GABRQ: variants seen among roughly 807,000 people sequenced by gnomAD.
The protein encoded by GABRQ is gamma-aminobutyric acid receptor subunit theta.
Under a neutral mutation model 30.5 loss-of-function variants are expected in GABRQ, and 19 were observed. The ratio of observed to expected loss-of-function variants is 0.62; its 90% CI spans 0.43 to 0.91. The LOEUF (loss-of-function observed/expected upper bound fraction) is 0.91, where lower values mean the gene tolerates loss of function less well. Ranked by LOEUF, GABRQ falls within the 40% of genes least tolerant of loss-of-function variation. GABRQ has a pLI of 0.00. For synonymous variants in GABRQ, 187 were observed against 210.2 expected, an observed-to-expected ratio of 0.89 and a Z score of 0.95; for missense variants, 520 against 521.4, an observed-to-expected ratio of 1.00 and a Z score of 0.03.
At position 152,647,123 on chromosome X, in the gene GABRQ, G is replaced by A. The variant is rs782155034; in HGVS notation, c.482G>A (p.Arg161His). Reference sequence around the variant, plus strand: ...GTGCATGATGTGACTGTGGAGAATCGCGTGTTTCAGCTTCACCCAGATGGA... The same window carrying A: ...GTGCATGATGTGACTGTGGAGAATCACGTGTTTCAGCTTCACCCAGATGGA... ...AFVHDVTVEN[R>H]VFQLHPDGTV... Residue 161 changes from arginine to histidine, a missense_variant, in exon 4 of 9, where the codon CGC (arginine) becomes CAC (histidine). Physicochemically the swap from Arg to His is conservative, Grantham distance 29. Transcript: ENST00000598523. 5.8e-6 allele frequency: 7 copies of A among 1,208,747 alleles called. No individual in the cohort carries two copies. Among genetic ancestry groups the A allele is most frequent in the Middle Eastern group, 2.3e-4 (1 of 4,352 alleles).
Position 152,652,781 on chromosome X carries a change from C to T in GABRQ, c.1399C>T (p.Arg467Cys), listed in dbSNP as rs138966264. Residue 467 changes from arginine to cysteine, a missense_variant, in exon 9 of 9, where the codon CGC becomes TGC. Coordinates refer to ENST00000598523, the MANE Select transcript of GABRQ (RefSeq NM_018558.4). ...SEQARHSYGV[R>C]FNGFQADDSI... The stretch of plus-strand genomic sequence containing the variant: ...GCAGGCCCGGCACAGCTATGGTGTT[C>T]GCTTTAATGGTTTCCAGGCTGATGA... The T allele has an allele frequency of 1.2e-5, 15 of 1,210,054 alleles. No homozygotes were observed. The East Asian group carries it at 1.5e-4, about 12-fold the overall frequency.
chrX:152,638,379 G>C (rs782256219), intron 1 of GABRQ, 28 bp downstream of exon 1: 3 of 1,195,233 alleles, frequency 2.5e-6, no homozygotes, highest in Non-Finnish European at 3.4e-6. Context: ...GGCTAGGCAC[G>C]GCGGGGACGG....
At chrX:152,649,443 C>T (rs188938631) in intron 5 of GABRQ, 110 bp downstream of exon 5, 3 of 521,133 alleles carry the variant, frequency 5.8e-6, no homozygotes, top group Admixed American at 5.3e-5. Context: ...TGCTCCCTCC[C>T]TCCCCCCATT....
intron 6 of GABRQ, among the ~76,000 whole-genome samples, 173 bp from the exon 7 acceptor site, chrX:152,650,255 A>ATC (rs1423161892): frequency 1.8e-5 from 2 of 112,064 alleles, no homozygotes; most frequent in Non-Finnish European, 3.8e-5. Context: ...GCCTACTGAG[A>ATC]TATGCCACTG....
downstream of GABRQ, among the ~76,000 whole-genome samples, chrX:152,658,195 G>C (rs1556821370): frequency 9.0e-6 from 1 of 111,536 alleles, no homozygotes; most frequent in Non-Finnish European, 1.9e-5. Flanking sequence ...ACAAGACTTT[G>C]TTCATTTGGG....
intron 1 of GABRQ, among the ~76,000 whole-genome samples, chrX:152,640,089 C>T (rs895948652): frequency 4.5e-5 from 5 of 111,129 alleles, no homozygotes; most frequent in Non-Finnish European, 9.4e-5. Flanking sequence ...CTACCGCCTC[C>T]TCTCGTCAAC....
chrX:152,641,487 G>A (rs782027788), intron 2 of GABRQ, among the ~76,000 whole-genome samples: 38 of 112,553 alleles, frequency 3.4e-4, no homozygotes, highest in African/African-American at 1.2e-3. Context: ...GGCCCTTGCG[G>A]TAGACCAGTT....
In GABRQ at chrX:152,650,520, A is replaced by G; in HGVS notation, c.841A>G (p.Ile281Val). ...CTACTGGCCTACTGTCCTCACCACTATTACCTCTTGGATATCGTTTTGGAT... is the reference window on the plus strand; with the variant it reads ...CTACTGGCCTACTGTCCTCACCACTGTTACCTCTTGGATATCGTTTTGGAT... ...QVYWPTVLTTITSWISFWMNY... is the reference protein window; with the variant it reads ...QVYWPTVLTTVTSWISFWMNY... The change falls in exon 7 of 9, where the codon ATT (isoleucine) becomes GTT (valine). Residue 281 changes from isoleucine (I) to valine (V), a missense_variant. Transcript: ENST00000598523. 4 of 1,203,880 alleles carry G rather than the reference A, an allele frequency of 3.3e-6. No individual in the cohort carries two copies. The highest frequency in any genetic ancestry group is 1.8e-5 in the South Asian group (1 of 56,712).
downstream of GABRQ, among the ~76,000 whole-genome samples, chrX:152,657,853 G>A (rs1556821326): frequency 8.9e-6 from 1 of 112,562 alleles, no homozygotes; most frequent in African/African-American, 3.2e-5. Context: ...ATTTTATAGG[G>A]GGAGAGCCCC....
At position 152,653,486 on chromosome X, in the gene GABRQ, T is replaced by C. The variant is rs1931085989; in HGVS notation, c.*205T>C. Reference sequence around the variant, plus strand: ...TGGAAGGGAAGGGATTGAGGAGGAGTTGGAGGTATACAGCACATGGATTTC... The same window carrying C: ...TGGAAGGGAAGGGATTGAGGAGGAGCTGGAGGTATACAGCACATGGATTTC... On this transcript the variant is annotated 3_prime_UTR_variant, in exon 9 of 9. Coordinates refer to ENST00000598523, the MANE Select transcript of GABRQ (RefSeq NM_018558.4). 1 of 403,954 alleles carries C rather than the reference T, an allele frequency of 2.5e-6. No homozygotes were observed. Among genetic ancestry groups the C allele is most frequent in the Non-Finnish European group, 4.2e-6 (1 of 235,817 alleles). The allele number at this position is 403,954 out of a possible 1,213,427, so 33.3% of individuals were successfully genotyped here. A position where few individuals can be genotyped will look rare whatever the true frequency, so the allele number is the denominator to read the frequency against.
In GABRQ at chrX:152,640,202, C is replaced by A. The variant is rs186638506; in HGVS notation, c.150-176C>A. On this transcript the variant is annotated intron_variant, in intron 1 of 8. Coordinates refer to ENST00000598523, the MANE Select transcript of GABRQ (RefSeq NM_018558.4). ...GGGAGGAAAGAGGAGTCTGCGTCAC[C>A]GCTGCGCTTCTGGCTGACTCACCAT... Among the ~76,000 whole-genome samples, 358 of 110,344 alleles carry A rather than the reference C, an allele frequency of 3.2e-3. 1 individual carries two copies. The highest frequency in any genetic ancestry group is 0.011 in the African/African-American group (331 of 30,196).
intron 2 of GABRQ, among the ~76,000 whole-genome samples, chrX:152,645,216 T>C (rs1315914459): frequency 8.9e-6 from 1 of 112,518 alleles, no homozygotes; most frequent in Non-Finnish European, 1.9e-5. Context: ...TTGGGGCTCG[T>C]TGCTTTTCAG....
chrX:152,641,601 T>C (rs1930759198), intron 2 of GABRQ, among the ~76,000 whole-genome samples: 1 of 111,783 alleles, frequency 8.9e-6, no homozygotes, highest in Non-Finnish European at 1.9e-5. Flanking sequence ...CCTTGCTCCC[T>C]CCGAAGTGTG....
chrX:152,653,361 T>A lies in GABRQ; in HGVS notation c.*80T>A. The A allele has an allele frequency of 1.4e-6, 1 of 719,230 alleles. No homozygotes were observed. 59.3% of individuals were successfully genotyped at this position (719,230 alleles called of 1,213,427 possible). A position where few individuals can be genotyped will look rare whatever the true frequency, so the allele number is the denominator to read the frequency against. On this transcript the variant is annotated 3_prime_UTR_variant, in exon 9 of 9. Transcript: ENST00000598523. The stretch of plus-strand genomic sequence containing the variant: ...TTTGGGTTTGTTTTTCCCTCTTTCC[T>A]TTGTTCCTTTTATTTTGTGGTTATT...
downstream of GABRQ, among the ~76,000 whole-genome samples, chrX:152,657,911 T>C (rs1481128329): frequency 8.9e-6 from 1 of 112,176 alleles, no homozygotes; most frequent in Non-Finnish European, 1.9e-5. Flanking sequence ...ATCGTGCCAC[T>C]GCACTCCAGC....
intron 2 of GABRQ, 69 bp downstream of exon 2, chrX:152,640,535 C>A: frequency 1.5e-6 from 1 of 651,134 alleles, no homozygotes; most frequent in Non-Finnish European, 2.6e-6. Flanking sequence ...CAAGCCAGCC[C>A]TGCCCTGTAA....
In GABRQ at chrX:152,651,512, T is replaced by C. The variant is rs1931019667; in HGVS notation, c.902-14T>C. 1 of 1,201,928 alleles carries C rather than the reference T, an allele frequency of 8.3e-7. No individual in the cohort carries two copies. Among genetic ancestry groups the C allele is most frequent in the Non-Finnish European group, 1.1e-6 (1 of 886,567 alleles). On this transcript the variant is annotated splice_polypyrimidine_tract_variant and intron_variant, in intron 7 of 8. Coordinates refer to ENST00000598523, the MANE Select transcript of GABRQ (RefSeq NM_018558.4). ...CCATCAGAGGAGACTAAGTCTGTAC[T>C]GTGTTGCTTACAGGCTTAACTTCAA...
At chrX:152,641,486 G>C (rs5925192) in intron 2 of GABRQ, among the ~76,000 whole-genome samples, 31,625 of 111,681 alleles carry the variant, frequency 0.28, 4,460 homozygotes, top group African/African-American at 0.57. Flanking sequence ...CGGCCCTTGC[G>C]GTAGACCAGT....
chrX:152,643,528 G>A (rs1033707365), intron 2 of GABRQ, among the ~76,000 whole-genome samples: 16 of 112,335 alleles, frequency 1.4e-4, no homozygotes, highest in African/African-American at 4.9e-4. Context: ...GCTGTAGAAA[G>A]CTTTGAGATG....
Sources: gnomAD v4.1 joint callset for allele counts (sites outside exome capture counted in the v4.1 genomes callset) on GRCh38, gnomAD v4.1.1 for gene constraint, MANE v1.5 for transcripts, NCBI Gene and HGNC (gene_info 2026-07-23, HGNC 2026-07-21) for gene names.